The following SPOCK3 variants were observed in gnomAD, a reference collection of about 807,000 sequenced individuals.
SPOCK3 encodes testican-3.
SPOCK3 carries 30 observed loss-of-function variants against 56.6 expected under a neutral mutation model. The observed-to-expected ratio is 0.53, with a 90% CI of 0.40 to 0.72. The LOEUF (loss-of-function observed/expected upper bound fraction) is 0.72, where lower values mean the gene tolerates loss of function less well. Ranked by LOEUF, SPOCK3 falls within the 30% of genes least tolerant of loss-of-function variation. SPOCK3 has a pLI of 0.00. For missense variants in SPOCK3, 527 were observed against 530.0 expected, an observed-to-expected ratio of 0.99 and a Z score of 0.06; for synonymous variants, 196 against 183.3, an observed-to-expected ratio of 1.07 and a Z score of -0.56.
intron 3 of SPOCK3, among the ~76,000 whole-genome samples, chr4:167,024,097 C>T (rs571559508): frequency 2.1e-4 from 32 of 152,118 alleles, no homozygotes; most frequent in African/African-American, 7.2e-4. Flanking sequence ...GGGTTCCCTG[C>T]ATCCTGTCAG....
At chr4:166,738,075 T>C (rs561348961) in intron 9 of SPOCK3, among the ~76,000 whole-genome samples, 241 of 152,350 alleles carry the variant, frequency 1.6e-3, no homozygotes, top group Middle Eastern at 6.8e-3. Context: ...TATGTGTTTT[T>C]CCCAAATTCA....
At chr4:166,859,522 A>G (rs1731024899) in intron 6 of SPOCK3, among the ~76,000 whole-genome samples, 1 of 152,156 alleles carries the variant, frequency 6.6e-6, no homozygotes, top group South Asian at 2.1e-4. Context: ...TTGACACACA[A>G]TAGATACAAC....
In SPOCK3 at chr4:166,911,762, T is replaced by G. The variant is rs556970976; in HGVS notation, c.474+858A>C. 2.6e-5 allele frequency among the ~76,000 whole-genome samples: 4 copies of G among 152,202 alleles called. No homozygotes were observed. The South Asian group carries it at 8.3e-4, about 32-fold the overall frequency. On this transcript the variant is annotated intron_variant, in intron 5 of 10. Coordinates refer to ENST00000357545, the MANE Select transcript of SPOCK3 (RefSeq NM_001040159.2). ...CATGTTGGCCAGGCTGGTCTCAAAC[T>G]CCTGACTCAGGTAATCTGCCCACCT...
At chr4:166,985,608 C>A (rs1272670580) in intron 4 of SPOCK3, among the ~76,000 whole-genome samples, 12 of 152,068 alleles carry the variant, frequency 7.9e-5, no homozygotes, top group African/African-American at 2.9e-4. Context: ...TACAATATTA[C>A]AAAGTGTCAA....
chr4:166,845,135 A>T (rs532613113), intron 6 of SPOCK3, among the ~76,000 whole-genome samples: 1 of 152,356 alleles, frequency 6.6e-6, no homozygotes, highest in Non-Finnish European at 1.5e-5. Flanking sequence ...TTATTCAGTA[A>T]TATTGTACAT....
chr4:166,737,712 C>T, intron 9 of SPOCK3, 108 bp from the exon 10 acceptor site: 1 of 1,201,932 alleles, frequency 8.3e-7, no homozygotes, highest in Admixed American at 2.4e-5. Flanking sequence ...AAGACTTACA[C>T]ATATGGAGTG....
At chr4:167,232,348 TAA>T (rs67711117) in intron 2 of SPOCK3, among the ~76,000 whole-genome samples, 24,998 of 145,248 alleles carry the variant, frequency 0.17, 2,325 homozygotes, top group South Asian at 0.3. Context: ...TTGATTTTAT[TAA>T]AAAAAAAAAA....
At chr4:167,024,289 T>A (rs1004011529) in intron 3 of SPOCK3, among the ~76,000 whole-genome samples, 1 of 152,042 alleles carries the variant, frequency 6.6e-6, no homozygotes, top group South Asian at 2.1e-4. Context: ...GCTAAAAAAA[T>A]TAAAAATGAG....
intron 4 of SPOCK3, among the ~76,000 whole-genome samples, chr4:166,992,212 G>A (rs990496132): frequency 2.6e-5 from 4 of 151,924 alleles, no homozygotes; most frequent in Non-Finnish European, 5.9e-5. Context: ...TGGAAGTGTA[G>A]GAGTGGAACT....
intron 2 of SPOCK3, among the ~76,000 whole-genome samples, chr4:167,140,436 T>C (rs1580413731): frequency 6.6e-6 from 1 of 152,062 alleles, no homozygotes; most frequent in South Asian, 2.1e-4. Context: ...AATAACATCA[T>C]GACTCATTCA....
At chr4:166,982,704 T>C (rs1040140340) in intron 4 of SPOCK3, among the ~76,000 whole-genome samples, 3 of 152,246 alleles carry the variant, frequency 2.0e-5, no homozygotes, top group South Asian at 2.1e-4. Flanking sequence ...TTTATGTTTC[T>C]ATACACATTG....
At chr4:167,030,424 G>A (rs530026385) in intron 3 of SPOCK3, among the ~76,000 whole-genome samples, 33 of 152,098 alleles carry the variant, frequency 2.2e-4, no homozygotes, top group African/African-American at 6.3e-4. Context: ...TCTTGGCTGC[G>A]AAGCACAGGT....
chr4:167,023,612 T>G (rs1252557933), intron 3 of SPOCK3, among the ~76,000 whole-genome samples: 3 of 151,988 alleles, frequency 2.0e-5, no homozygotes, highest in Non-Finnish European at 4.4e-5. Context: ...CCGTAGTTCT[T>G]TGATGAGTTA....
At chr4:166,780,193 T>C (rs1323895283) in intron 7 of SPOCK3, among the ~76,000 whole-genome samples, 2 of 152,076 alleles carry the variant, frequency 1.3e-5, no homozygotes, top group Non-Finnish European at 2.9e-5. Flanking sequence ...AAAAAAGACA[T>C]GTGCCTCCAA....
Position 166,820,021 on chromosome 4 carries a change from C to T in SPOCK3, c.590-27732G>A, listed in dbSNP as rs150892935. 1.2e-3 allele frequency among the ~76,000 whole-genome samples: 184 copies of T among 152,112 alleles called. 2 individuals are homozygous for T. The East Asian group carries it at 0.032, about 26-fold the overall frequency. On this transcript the variant is annotated intron_variant, in intron 6 of 10. Transcript: ENST00000357545. ...TACAGGCATTAGCCACTGTGCCCAG[C>T]CTGGACAATGAATTTTTAAGATGAT...
intron 4 of SPOCK3, among the ~76,000 whole-genome samples, chr4:166,992,400 A>G (rs1211804979): frequency 1.3e-5 from 2 of 152,176 alleles, no homozygotes; most frequent in African/African-American, 2.4e-5. Flanking sequence ...TAGCTAATAA[A>G]CAATCATAGT....
At chr4:167,036,123 C>T (rs1197867787) in intron 3 of SPOCK3, among the ~76,000 whole-genome samples, 1 of 152,146 alleles carries the variant, frequency 6.6e-6, no homozygotes, top group African/African-American at 2.4e-5. Context: ...CAGAATCTCC[C>T]TACTCATTTA....
At chr4:166,901,776 T>TTCTGAGA (rs1454207958) in intron 5 of SPOCK3, among the ~76,000 whole-genome samples, 4 of 152,084 alleles carry the variant, frequency 2.6e-5, no homozygotes. Context: ...AGGAGGTTGG[T>TTCTGAGA]TCTGAGACTC....
At chr4:166,783,913 A>G (rs1465208291) in intron 7 of SPOCK3, among the ~76,000 whole-genome samples, 1 of 152,122 alleles carries the variant, frequency 6.6e-6, no homozygotes, top group African/African-American at 2.4e-5. Flanking sequence ...TGGTAACATA[A>G]AATTTTCTGT....
Sources: gnomAD v4.1 joint callset for allele counts (sites outside exome capture counted in the v4.1 genomes callset) on GRCh38, gnomAD v4.1.1 for gene constraint, MANE v1.5 for transcripts, NCBI Gene and HGNC (gene_info 2026-07-23, HGNC 2026-07-21) for gene names.